Variants in RABGAP1L observed in about 807,000 individuals in gnomAD.
RABGAP1L encodes the protein RAB GTPase activating protein 1 like, also known as rab GTPase-activating protein 1-like.
A neutral mutation model predicts 137.7 loss-of-function variants in RABGAP1L; 63 were observed. The ratio of observed to expected loss-of-function variants is 0.46; its 90% CI spans 0.37 to 0.56. The LOEUF (loss-of-function observed/expected upper bound fraction) is 0.56. RABGAP1L is among the 20% of genes least tolerant of loss of function. The pLI is 0.00. For synonymous variants in RABGAP1L, 431 were observed against 433.7 expected (o/e 0.99, Z 0.08); for missense variants, 1,095 against 1,244.0 (o/e 0.88, Z 1.80).
At chr1:174,586,435 T>C (rs577305940) in intron 13 of RABGAP1L, among the ~76,000 whole-genome samples, 128 of 152,100 alleles carry the variant, frequency 8.4e-4, no homozygotes, top group Non-Finnish European at 1.4e-3. Flanking sequence ...AGCTAACACA[T>C]GCTGAGCTTA....
intron 14 of RABGAP1L, among the ~76,000 whole-genome samples, chr1:174,639,578 C>A (rs1674355912): frequency 1.3e-5 from 2 of 151,948 alleles, no homozygotes; most frequent in Admixed American, 6.6e-5. Context: ...ATATTTTCAG[C>A]CAGTCAGTGA....
chr1:174,882,186 T>C (rs895475531), intron 19 of RABGAP1L, among the ~76,000 whole-genome samples: 6 of 152,228 alleles, frequency 3.9e-5, no homozygotes, highest in Admixed American at 3.3e-4. Flanking sequence ...TGCTAACTTA[T>C]AAAATCCTCC....
chr1:174,412,792 A>C (rs1650093661), intron 13 of RABGAP1L, among the ~76,000 whole-genome samples: 1 of 152,154 alleles, frequency 6.6e-6, no homozygotes. Flanking sequence ...AAAGGCCCCC[A>C]GTCTCTCCTG....
At chr1:174,776,235 G>A (rs1188908345) in intron 18 of RABGAP1L, among the ~76,000 whole-genome samples, 1 of 152,136 alleles carries the variant, frequency 6.6e-6, no homozygotes, top group Non-Finnish European at 1.5e-5. Flanking sequence ...TTAGCTGGGT[G>A]TGGTGGCAGG....
intron 13 of RABGAP1L, among the ~76,000 whole-genome samples, chr1:174,616,288 C>T (rs1671853616): frequency 6.6e-6 from 1 of 152,094 alleles, no homozygotes; most frequent in Non-Finnish European, 1.5e-5. Flanking sequence ...TTGTCATTAT[C>T]TTTGGTTATG....
chr1:174,637,474 TA>T lies in RABGAP1L; in HGVS notation c.1811del (p.Tyr604LeufsTer41). ...TGGAGGAGATGGTCAAGAATCGCTC[TA>T]TAAGATCTGCAAGGTAGGACTCTCT... ...DTGGDGQESLYKICKAYSVYD... is the reference protein window; with the variant it reads ...DTGGDGQESLXKICKAYSVYD... On this transcript the variant is annotated frameshift_variant, in exon 14 of 26. Coordinates refer to ENST00000681986, the MANE Select transcript of RABGAP1L (RefSeq NM_001366446.1). LOFTEE classifies it high-confidence loss of function. 2 of 1,602,718 alleles carry T rather than the reference TA, an allele frequency of 1.2e-6. No homozygotes were observed. The highest frequency in any genetic ancestry group is 1.7e-6 in the Non-Finnish European group (2 of 1,169,632).
intron 13 of RABGAP1L, among the ~76,000 whole-genome samples, chr1:174,447,409 G>C (rs1258151513): frequency 6.6e-6 from 1 of 152,046 alleles, no homozygotes; most frequent in African/African-American, 2.4e-5. Context: ...AATTAACTTT[G>C]ATAGAGTTGT....
intron 19 of RABGAP1L, among the ~76,000 whole-genome samples, chr1:174,859,360 G>A (rs1649848486): frequency 6.6e-6 from 1 of 152,040 alleles, no homozygotes; most frequent in Non-Finnish European, 1.5e-5. Flanking sequence ...GCGGGTGCCT[G>A]TAGTCCCAGC....
chr1:174,730,320 A>T (rs1407677100), intron 17 of RABGAP1L, among the ~76,000 whole-genome samples: 1 of 152,186 alleles, frequency 6.6e-6, no homozygotes, highest in Non-Finnish European at 1.5e-5. Context: ...AGAGGAGGGG[A>T]GGAAAAGGGT....
rs538355990 is a variant in RABGAP1L at position 174,377,682 on chromosome 1, A to G, written c.1559+6610A>G. 4.6e-5 allele frequency among the ~76,000 whole-genome samples: 7 copies of G among 152,228 alleles called. No homozygotes were observed. The South Asian group carries it at 6.2e-4, about 14-fold the overall frequency. On this transcript the variant is annotated intron_variant, in intron 12 of 25. Transcript: ENST00000681986. ...CCACTTCATACCCACTACGATGTCA[A>G]TCATTACAAAGACAGATAATAACAA...
At chr1:174,937,637 T>TATATATATATATA (rs1302676014) in intron 19 of RABGAP1L, among the ~76,000 whole-genome samples, 2 of 138,510 alleles carry the variant, frequency 1.4e-5, no homozygotes, top group African/African-American at 3.0e-5. Flanking sequence ...TATATATATC[T>TATATATATATATA]TGCAGTTAGA....
At chr1:174,376,134 GAGAA>G (rs1446293708) in intron 12 of RABGAP1L, among the ~76,000 whole-genome samples, 2 of 148,920 alleles carry the variant, frequency 1.3e-5, no homozygotes, top group African/African-American at 2.5e-5. Context: ...GAGAGAGATA[GAGAA>G]AGAGAGAAGG....
intron 4 of RABGAP1L, among the ~76,000 whole-genome samples, chr1:174,238,255 C>G (rs988248506): frequency 6.6e-6 from 1 of 152,190 alleles, no homozygotes; most frequent in African/African-American, 2.4e-5. Flanking sequence ...TCGTCTGAAG[C>G]CTTCTTCTCT....
At chr1:174,683,087 G>T (rs114160297) in intron 14 of RABGAP1L, among the ~76,000 whole-genome samples, 1 of 142,436 alleles carries the variant, frequency 7.0e-6, no homozygotes, top group African/African-American at 2.7e-5. Context: ...TTGGCATGGG[G>T]TTGTCAGAAT....
At chr1:174,698,207 A>G (rs1679399279) in intron 15 of RABGAP1L, among the ~76,000 whole-genome samples, 1 of 152,262 alleles carries the variant, frequency 6.6e-6, no homozygotes, top group Non-Finnish European at 1.5e-5. Context: ...ACATTGAATA[A>G]GTACAACTTT....
intron 14 of RABGAP1L, among the ~76,000 whole-genome samples, chr1:174,662,102 CTTTTTTTTT>C (rs749496325): frequency 3.3e-5 from 3 of 90,272 alleles, no homozygotes; most frequent in African/African-American, 6.2e-5. Context: ...CTTTTCTTTT[CTTTTTTTTT>C]TTTTTTTTTT....
chr1:174,948,694 A>T (rs1667273535), intron 19 of RABGAP1L: 1 of 151,850 alleles, frequency 6.6e-6, no homozygotes, highest in African/African-American at 2.4e-5. Context: ...TATTAAGATT[A>T]AAAAAAAGAT....
At chr1:174,212,704 A>G (rs544786212) in intron 1 of RABGAP1L, among the ~76,000 whole-genome samples, 1 of 152,264 alleles carries the variant, frequency 6.6e-6, no homozygotes, top group South Asian at 2.1e-4. Flanking sequence ...GCAGAAATAA[A>G]TTAATTTGAC....
intron 13 of RABGAP1L, 79 bp from the exon 14 acceptor site, chr1:174,637,296 G>GT (rs1314844533): frequency 7.1e-6 from 7 of 986,476 alleles, no homozygotes; most frequent in South Asian, 3.1e-5. Flanking sequence ...TGCTGTTTGA[G>GT]TTTTTTACCA....
Sources: allele counts gnomAD v4.1 joint callset (sites outside exome capture counted in the v4.1 genomes callset), GRCh38; gene constraint gnomAD v4.1.1; transcripts MANE v1.5; gene names NCBI Gene and HGNC (gene_info 2026-07-23, HGNC 2026-07-21).